UTS2B: variants seen among roughly 807,000 people sequenced by gnomAD.
The protein encoded by UTS2B is urotensin 2B, also known as urotensin-2B.
In UTS2B, 21 loss-of-function variants were observed where a neutral mutation model predicts 19.2. That is an observed-to-expected ratio of 1.09 (90% CI 0.78 to 1.58). The LOEUF is 1.58. UTS2B is among the 40% of genes most tolerant of loss of function. The probability of loss-of-function intolerance (pLI) is 0.00; values close to 1 mark genes in which losing one functional copy is unlikely to be tolerated. For synonymous variants in UTS2B, 57 were observed against 50.2 expected (o/e 1.14, Z -0.58); for missense variants, 138 against 130.3 (o/e 1.06, Z -0.29).
At chr3:191,283,706 C>T (rs762075884) in intron 4 of UTS2B, among the ~76,000 whole-genome samples, 13 of 151,960 alleles carry the variant, frequency 8.6e-5, no homozygotes, top group Non-Finnish European at 1.9e-4. Context: ...AAAATATAAC[C>T]CCCTTAAACT....
At chr3:191,271,658 C>G (rs1345621564) in intron 8 of UTS2B, among the ~76,000 whole-genome samples, 1 of 152,182 alleles carries the variant, frequency 6.6e-6, no homozygotes, top group East Asian at 1.9e-4. Context: ...TGCTCAGTTT[C>G]TTCCCTTGGA....
At chr3:191,321,144 G>A (rs1717600704) in intron 2 of UTS2B, among the ~76,000 whole-genome samples, 1 of 152,112 alleles carries the variant, frequency 6.6e-6, no homozygotes, top group Non-Finnish European at 1.5e-5. Flanking sequence ...TAAATGTTTG[G>A]AAAATGGGGG....
intron 4 of UTS2B, among the ~76,000 whole-genome samples, chr3:191,303,497 A>G (rs912832079): frequency 4.0e-5 from 6 of 151,610 alleles, no homozygotes; most frequent in African/African-American, 1.5e-4. Context: ...CAAGATAAAA[A>G]TTTGGGCAGT....
intron 2 of UTS2B, among the ~76,000 whole-genome samples, chr3:191,325,144 A>G (rs373165670): frequency 4.3e-4 from 66 of 152,314 alleles, no homozygotes; most frequent in African/African-American, 1.5e-3. Context: ...CACTGAAATC[A>G]TCAAGTGTTC....
intron 2 of UTS2B, among the ~76,000 whole-genome samples, chr3:191,317,889 T>C (rs1312695380): frequency 3.9e-5 from 6 of 152,264 alleles, no homozygotes; most frequent in East Asian, 3.9e-4. Flanking sequence ...CAGGTTTTTT[T>C]ATTTTTATTT....
rs1716020934 is a variant in UTS2B at position 191,269,183 on chromosome 3, G to T, written c.335-742C>A. 2.0e-5 allele frequency among the ~76,000 whole-genome samples: 3 copies of T among 152,296 alleles called. No homozygotes were observed. The South Asian group carries it at 6.2e-4, about 32-fold the overall frequency. On this transcript the variant is annotated intron_variant, in intron 8 of 8. Coordinates refer to ENST00000340524, the MANE Select transcript of UTS2B (RefSeq NM_198152.5). ...GCTTATAAAACTAAGCCCCTTGGGA[G>T]AAGGGCCTTTGATTCATTGTTGATC...
chr3:191,333,496 C>T (rs141827882), upstream of UTS2B, among the ~76,000 whole-genome samples: 10 of 152,260 alleles, frequency 6.6e-5, no homozygotes, highest in Non-Finnish European at 7.4e-5. Flanking sequence ...TCTGGCTACA[C>T]GGCAAACCCA....
chr3:191,310,935 C>T (rs60537373), intron 3 of UTS2B, among the ~76,000 whole-genome samples: 7,434 of 152,288 alleles, frequency 0.049, 599 homozygotes, highest in African/African-American at 0.17. Context: ...TCAAGACGTA[C>T]AGTTTCAGAA....
chr3:191,336,842 A>T, the UTS2B span, among the ~76,000 whole-genome samples: 1 of 152,220 alleles, frequency 6.6e-6, no homozygotes, highest in African/African-American at 2.4e-5. Flanking sequence ...CATTTATCTG[A>T]TAAAGAATGA....
In UTS2B at chr3:191,319,886, CT is replaced by C. The variant is rs34656108; in HGVS notation, c.-585-3448del. 5.6e-3 allele frequency among the ~76,000 whole-genome samples: 805 copies of C among 143,014 alleles called. 7 individuals are homozygous for C. The highest frequency in any genetic ancestry group is 8.8e-3 in the Non-Finnish European group (574 of 65,220). 93.8% of individuals were successfully genotyped at this position (143,014 alleles called of 152,430 possible). On this transcript the variant is annotated intron_variant, in intron 2 of 8. Transcript: ENST00000340524. ...TGGTCTCAAAAAAAAAAAAAAGCCA[CT>C]TTTTTTTTTTTTAAAAACCTTACTT... is the stretch of plus-strand genomic sequence containing the variant.
rs567682772 is a variant in UTS2B at position 191,289,297 on chromosome 3, T to G, written c.-124-6984A>C. On this transcript the variant is annotated intron_variant, in intron 4 of 8. Coordinates refer to ENST00000340524, the MANE Select transcript of UTS2B (RefSeq NM_198152.5). Reference sequence around the variant, plus strand: ...GGTGGCAGGCGCCTGTAGGCCCAGGTGCTCGGGAGGCTGAGGCAGGAGAAT... The same window carrying G: ...GGTGGCAGGCGCCTGTAGGCCCAGGGGCTCGGGAGGCTGAGGCAGGAGAAT... Among the ~76,000 whole-genome samples the G allele has an allele frequency of 6.6e-3, 998 of 151,926 alleles. 11 individuals carry two copies. The highest frequency in any genetic ancestry group is 0.022 in the African/African-American group (922 of 41,446).
the UTS2B span, among the ~76,000 whole-genome samples, chr3:191,342,431 T>C: frequency 6.6e-6 from 1 of 152,076 alleles, no homozygotes; most frequent in Admixed American, 6.5e-5. Flanking sequence ...AAAAGAGAAT[T>C]TGAAAATGGA....
Position 191,282,068 on chromosome 3 carries a change from T to G in UTS2B, c.103+19A>C, listed in dbSNP as rs771116465. 5 of 1,548,734 alleles carry G rather than the reference T, an allele frequency of 3.2e-6. No individual in the cohort carries two copies. In the African/African-American group the frequency reaches 6.8e-5, roughly 21 times the overall value. ...AATTACTTACCCACCTGTAGGATTTTTAATTGATATGCACGTACCTTGGGT... is the reference window on the plus strand; with the variant it reads ...AATTACTTACCCACCTGTAGGATTTGTAATTGATATGCACGTACCTTGGGT... On this transcript the variant is annotated intron_variant, in intron 5 of 8. Transcript: ENST00000340524.
rs1446518174 is a variant in UTS2B, at chr3:191,303,134, C to T, written c.-125+1358G>A. 2.6e-5 allele frequency among the ~76,000 whole-genome samples: 4 copies of T among 152,266 alleles called. 1 individual carries two copies. The highest frequency in any genetic ancestry group is 1.5e-5 in the Non-Finnish European group (1 of 68,034). On this transcript the variant is annotated intron_variant, in intron 4 of 8. Transcript: ENST00000340524. ...CCTTCAGCACCCCATAACCTGTGGCCGCCTGACTCTAGATGTCCCAGTCCC... is the reference window on the plus strand; with the variant it reads ...CCTTCAGCACCCCATAACCTGTGGCTGCCTGACTCTAGATGTCCCAGTCCC...
chr3:191,343,425 T>C, the UTS2B span, among the ~76,000 whole-genome samples: 68,070 of 152,108 alleles, frequency 0.45, 18,922 homozygotes, highest in East Asian at 0.92. Context: ...ACTGCAGAAG[T>C]TACTGTGTAA....
intron 4 of UTS2B, among the ~76,000 whole-genome samples, chr3:191,296,842 T>A (rs1716870046): frequency 2.0e-5 from 3 of 152,194 alleles, no homozygotes; most frequent in Non-Finnish European, 4.4e-5. Context: ...AATCCAAGGC[T>A]GGCATATTTA....
chr3:191,276,129 C>T (rs1456502892), intron 7 of UTS2B, among the ~76,000 whole-genome samples: 1 of 152,168 alleles, frequency 6.6e-6, no homozygotes, highest in East Asian at 1.9e-4. Flanking sequence ...CAGAATTCAA[C>T]TTATTTTAAT....
At chr3:191,304,583 T>C (rs1717088076) in intron 3 of UTS2B, 35 bp from the exon 4 acceptor site, 2 of 152,246 alleles carry the variant, frequency 1.3e-5, no homozygotes, top group Non-Finnish European at 2.9e-5. Flanking sequence ...GTGAATATAA[T>C]GCTCTCGTAT....
chr3:191,295,782 T>C (rs1317817266), intron 4 of UTS2B, among the ~76,000 whole-genome samples: 1 of 152,112 alleles, frequency 6.6e-6, no homozygotes, highest in Non-Finnish European at 1.5e-5. Context: ...CTCTTTCCTC[T>C]CTGTTGCGTC....
Sources: gnomAD v4.1 joint callset for allele counts (sites outside exome capture counted in the v4.1 genomes callset) on GRCh38, gnomAD v4.1.1 for gene constraint, MANE v1.5 for transcripts, NCBI Gene and HGNC (gene_info 2026-07-23, HGNC 2026-07-21) for gene names.